Variants in EXT1 observed in about 807,000 individuals in gnomAD.
The protein encoded by EXT1 is exostosin-1.
In EXT1, 20 loss-of-function variants were observed where a neutral mutation model predicts 82.5. The ratio of observed to expected loss-of-function variants is 0.24; its 90% confidence interval spans 0.17 to 0.35. EXT1 has a LOEUF of 0.35. Among genes scored for constraint, EXT1 ranks in the 10% least tolerant of loss-of-function variants. The pLI is 1.00. For synonymous variants in EXT1, 348 were observed against 350.8 expected, an observed-to-expected ratio of 0.99 and a Z score of 0.09; for missense variants, 757 against 936.5, an observed-to-expected ratio of 0.81 and a Z score of 2.50.
intron 1 of EXT1, among the ~76,000 whole-genome samples, chr8:118,005,137 G>A (rs1405778976): frequency 6.6e-6 from 1 of 152,180 alleles, no homozygotes; most frequent in East Asian, 1.9e-4. Context: ...CCTAACTTTT[G>A]ACAGCTGGGG....
At chr8:117,920,189 C>T (rs1813827724) in intron 1 of EXT1, among the ~76,000 whole-genome samples, 1 of 152,104 alleles carries the variant, frequency 6.6e-6, no homozygotes, top group Non-Finnish European at 1.5e-5. Context: ...ACTGCAACCT[C>T]CACCTCCCAG....
At chr8:117,848,603 A>C (rs1362179143) in intron 1 of EXT1, among the ~76,000 whole-genome samples, 1 of 152,184 alleles carries the variant, frequency 6.6e-6, no homozygotes, top group Non-Finnish European at 1.5e-5. Context: ...AGTATTGAGC[A>C]GGCCCTACAT....
At position 118,008,999 on chromosome 8, in the gene EXT1, G is replaced by A. The variant is rs1047332319; in HGVS notation, c.962+101086C>T. Among the ~76,000 whole-genome samples, 3 of 152,162 alleles carry A rather than the reference G, an allele frequency of 2.0e-5. No homozygotes were observed. In the East Asian group the frequency reaches 5.8e-4, roughly 29 times the overall value. ...TCTGTAGAATGCATTCCAAGCAGTA[G>A]AACTGCCAGGAGATTTAAAAGGAAA... is the stretch of plus-strand genomic sequence containing the variant. On this transcript the variant is annotated intron_variant, in intron 1 of 10. Coordinates refer to ENST00000378204, the MANE Select transcript of EXT1 (RefSeq NM_000127.3).
At chr8:117,855,533 C>T (rs545347986) in intron 1 of EXT1, among the ~76,000 whole-genome samples, 1 of 152,276 alleles carries the variant, frequency 6.6e-6, no homozygotes, top group African/African-American at 2.4e-5. Flanking sequence ...GACTATGCTA[C>T]CAACCAGCCA....
intron 1 of EXT1, among the ~76,000 whole-genome samples, chr8:117,863,415 T>TTTG (rs1563583913): frequency 9.0e-6 from 1 of 111,174 alleles, no homozygotes; most frequent in African/African-American, 2.6e-5. Context: ...GTCTAGGTTT[T>TTTG]TTTTTTTTTT....
At position 117,819,778 on chromosome 8, in the gene EXT1, G is replaced by C. The variant is rs1811892752; in HGVS notation, c.1434C>G (p.Ser478=). The part of the protein sequence containing the change: ...YYANLGLKPP[S]KFTAVIHAVT... ...CCGCATGGATGACTGCAGTGAATTT[G>C]GAGGGGGGCTTTAAACCTGAAATAA... is the stretch of plus-strand genomic sequence containing the variant. The change falls in exon 6 of 11, where the codon TCC becomes TCG. Residue 478 remains serine, a synonymous_variant. Coordinates refer to ENST00000378204, the MANE Select transcript of EXT1 (RefSeq NM_000127.3). The C allele has an allele frequency of 6.2e-7, 1 of 1,613,516 alleles. No homozygotes were observed. Among genetic ancestry groups the C allele is most frequent in the Admixed American group, 1.7e-5 (1 of 60,018 alleles).
At chr8:117,823,093 G>GTA (rs1377394200) in intron 4 of EXT1, among the ~76,000 whole-genome samples, 2 of 152,102 alleles carry the variant, frequency 1.3e-5, no homozygotes, top group African/African-American at 4.8e-5. Flanking sequence ...AATTCAAGAG[G>GTA]TAGATGTGTA....
At chr8:117,888,073 A>C (rs1158240809) in intron 1 of EXT1, among the ~76,000 whole-genome samples, 3 of 151,504 alleles carry the variant, frequency 2.0e-5, no homozygotes, top group Admixed American at 1.3e-4. Flanking sequence ...CAACAAGATG[A>C]AACTCCATCT....
intron 8 of EXT1, among the ~76,000 whole-genome samples, 174 bp from the exon 9 acceptor site, chr8:117,807,551 T>A (rs1176716457): frequency 6.6e-6 from 1 of 152,220 alleles, no homozygotes; most frequent in Non-Finnish European, 1.5e-5. Context: ...CCCATAATTA[T>A]GCACATTTTA....
chr8:118,068,357 C>T (rs758985811), intron 1 of EXT1, among the ~76,000 whole-genome samples: 4 of 152,202 alleles, frequency 2.6e-5, no homozygotes, highest in South Asian at 2.1e-4. Flanking sequence ...GGTACTTGTG[C>T]GGGATGCACA....
At chr8:117,933,918 C>T (rs951973628) in intron 1 of EXT1, among the ~76,000 whole-genome samples, 20 of 152,118 alleles carry the variant, frequency 1.3e-4, no homozygotes, top group African/African-American at 3.6e-4. Context: ...CCTTGCTCCA[C>T]GTGAAGATGC....
intron 1 of EXT1, among the ~76,000 whole-genome samples, chr8:118,090,980 G>T (rs1320130153): frequency 6.6e-6 from 1 of 151,928 alleles, no homozygotes; most frequent in Non-Finnish European, 1.5e-5. Flanking sequence ...GGAGGCTCTG[G>T]TCCCAAGGGC....
intron 1 of EXT1, among the ~76,000 whole-genome samples, chr8:117,933,001 G>A (rs971359831): frequency 6.6e-6 from 1 of 151,980 alleles, no homozygotes; most frequent in African/African-American, 2.4e-5. Flanking sequence ...GCCCCCTTCT[G>A]TTCCTTGAAC....
At chr8:118,088,870 A>C (rs1817474680) in intron 1 of EXT1, among the ~76,000 whole-genome samples, 1 of 152,140 alleles carries the variant, frequency 6.6e-6, no homozygotes, top group Admixed American at 6.6e-5. Flanking sequence ...AACAGCCTGA[A>C]ATTGTATCTG....
At chr8:117,806,968 C>T (rs1005447139) in intron 9 of EXT1, among the ~76,000 whole-genome samples, 3 of 152,142 alleles carry the variant, frequency 2.0e-5, no homozygotes, top group Admixed American at 1.3e-4. Flanking sequence ...ACCTAATATG[C>T]CCTGAGAGTA....
At position 117,796,034 on chromosome 8, in the gene EXT1, C is replaced by T. The variant is rs1209864959; in HGVS notation, c.*3678G>A. 1 of 152,104 alleles carries T rather than the reference C, an allele frequency of 6.6e-6. No homozygotes were observed. Among genetic ancestry groups the T allele is most frequent in the African/African-American group, 2.4e-5 (1 of 41,422 alleles). 9.4% of individuals were successfully genotyped at this position (152,104 alleles called of 1,614,324 possible). ...CAAAACCAACTGAAAGGTTCTTGTC[C>T]ATAGTCGCTGTAAAGGGGAACTAGG... On this transcript the variant is annotated 3_prime_UTR_variant, in exon 11 of 11. Transcript: ENST00000378204.
chr8:118,073,627 AGAGAAAGAAGAGAAG>A lies in EXT1; in HGVS notation c.962+36443_962+36457del, dbSNP rs1317119440. On this transcript the variant is annotated intron_variant, in intron 1 of 10. Coordinates refer to ENST00000378204, the MANE Select transcript of EXT1 (RefSeq NM_000127.3). Reference sequence around the variant, plus strand: ...AGAGAGAGGAAAGGAAGAGAAGAGAAGAGAAAGAAGAGAAGAGAAGAGAAGAGAAGAGAAGAGAAG... The same window carrying A: ...AGAGAGAGGAAAGGAAGAGAAGAGAAAGAAGAGAAGAGAAGAGAAGAGAAG... Among the ~76,000 whole-genome samples the A allele has an allele frequency of 6.7e-3, 922 of 137,856 alleles. 11 individuals carry two copies. Among genetic ancestry groups the A allele is most frequent in the African/African-American group, 0.027 (876 of 32,292 alleles). 90.4% of individuals were successfully genotyped at this position (137,856 alleles called of 152,430 possible). A position where few individuals can be genotyped will look rare whatever the true frequency, so the allele number is the denominator to read the frequency against.
intron 1 of EXT1, among the ~76,000 whole-genome samples, chr8:118,015,907 A>G (rs1244242572): frequency 6.6e-6 from 1 of 152,210 alleles, no homozygotes; most frequent in Non-Finnish European, 1.5e-5. Flanking sequence ...CAGAGGGAAG[A>G]TGGCCAAGTG....
chr8:117,856,267 T>C (rs7827940), intron 1 of EXT1, among the ~76,000 whole-genome samples: 7 of 133,436 alleles, frequency 5.2e-5, no homozygotes, highest in Admixed American at 1.5e-4. Context: ...TTTTTTTTTT[T>C]GTGGGGGGAC....
Sources: allele counts gnomAD v4.1 joint callset (sites outside exome capture counted in the v4.1 genomes callset), GRCh38; gene constraint gnomAD v4.1.1; transcripts MANE v1.5; gene names NCBI Gene and HGNC (gene_info 2026-07-23, HGNC 2026-07-21).